NUP107: variants seen among roughly 807,000 people sequenced by gnomAD.
NUP107 encodes the protein nuclear pore complex protein Nup107.
In NUP107, 101 loss-of-function variants were observed where a neutral mutation model predicts 141.0. The ratio of observed to expected loss-of-function variants is 0.72; its 90% CI spans 0.61 to 0.84. The LOEUF (loss-of-function observed/expected upper bound fraction) is 0.84. Among genes scored for constraint, NUP107 ranks in the 40% least tolerant of loss-of-function variants. The pLI, the probability that NUP107 is intolerant of heterozygous loss-of-function variation, is 0.00. For synonymous variants in NUP107, 319 were observed against 363.9 expected, an observed-to-expected ratio of 0.88 and a Z score of 1.41; for missense variants, 941 against 1,102.7, an observed-to-expected ratio of 0.85 and a Z score of 2.08.
Position 68,705,382 on chromosome 12 carries a change from G to C in NUP107, c.729+2598G>C, listed in dbSNP as rs561882361. ...TATTATGTTAGTTAGACTTTTCAAA[G>C]TAAAGTTGAATAATAATGAACTCTT... On this transcript the variant is annotated intron_variant, in intron 8 of 27. Transcript: ENST00000229179. Among the ~76,000 whole-genome samples the C allele has an allele frequency of 3.3e-5, 5 of 152,100 alleles. No individual in the cohort carries two copies. The South Asian group carries it at 1.0e-3, about 32-fold the overall frequency.
chr12:68,695,610 TG>T (rs375927402), intron 5 of NUP107, among the ~76,000 whole-genome samples: 2 of 152,158 alleles, frequency 1.3e-5, no homozygotes, highest in African/African-American at 4.8e-5. Flanking sequence ...TGTCAGGGGC[TG>T]GGGTAAGTGG....
intron 5 of NUP107, 160 bp downstream of exon 5, chr12:68,692,272 T>TG (rs1875836023): frequency 4.1e-6 from 3 of 727,664 alleles, no homozygotes; most frequent in Non-Finnish European, 6.3e-6. Context: ...TGTGTGTGTG[T>TG]TTTTTGAGAC....
chr12:68,702,691 T>C lies in NUP107; in HGVS notation c.681-45T>C, dbSNP rs768295600. The C allele has an allele frequency of 8.1e-6, 11 of 1,357,232 alleles. No homozygotes were observed. In the African/African-American group the frequency reaches 1.1e-4, roughly 13 times the overall value. 84.1% of individuals were successfully genotyped at this position (1,357,232 alleles called of 1,614,324 possible). ...GATGCTCAGTGGCAAGTTCATTATATTCGTGTGAAATAAGGCTTTTTTATT... is the reference window on the plus strand; with the variant it reads ...GATGCTCAGTGGCAAGTTCATTATACTCGTGTGAAATAAGGCTTTTTTATT... On this transcript the variant is annotated intron_variant, in intron 7 of 27. Transcript: ENST00000229179.
Position 68,689,655 on chromosome 12 carries a change from C to T in NUP107, c.187+36C>T, listed in dbSNP as rs145755421. ...TTGCTTTTAAAGCATTTAATAATAA[C>T]GGTAATTATAATAGCAACTAACATT... On this transcript the variant is annotated intron_variant, in intron 3 of 27. Transcript: ENST00000229179. 7.0e-4 allele frequency: 898 copies of T among 1,287,990 alleles called. 1 individual carries two copies. Among genetic ancestry groups the T allele is most frequent in the Middle Eastern group, 3.5e-3 (19 of 5,416 alleles). The allele number at this position is 1,287,990 out of a possible 1,614,324, so 79.8% of individuals were successfully genotyped here.
intron 12 of NUP107, 31 bp from the exon 13 acceptor site, chr12:68,719,309 AT>A (rs749119746): frequency 6.5e-7 from 1 of 1,548,518 alleles, no homozygotes; most frequent in East Asian, 2.2e-5. Flanking sequence ...CACCCTGGTT[AT>A]TGGACTGACT....
At chr12:68,701,556 C>T (rs991998370) in intron 7 of NUP107, among the ~76,000 whole-genome samples, 1 of 151,878 alleles carries the variant, frequency 6.6e-6, no homozygotes, top group Non-Finnish European at 1.5e-5. Context: ...GTGGTGGGCA[C>T]CTATAATCCC....
At chr12:68,741,780 T>C in intron 26 of NUP107, 33 bp from the exon 27 acceptor site, 1 of 1,590,126 alleles carries the variant, frequency 6.3e-7, no homozygotes, top group Non-Finnish European at 8.6e-7. Context: ...TTAGCTTAAA[T>C]TGTTAAAATG....
At chr12:68,712,936 TA>T (rs1308251690) in intron 10 of NUP107, among the ~76,000 whole-genome samples, 1 of 152,128 alleles carries the variant, frequency 6.6e-6, no homozygotes, top group African/African-American at 2.4e-5. Context: ...ATGTAGAAGC[TA>T]AAAACCATAA....
chr12:68,728,287 A>C (rs1322312686), intron 20 of NUP107, among the ~76,000 whole-genome samples: 1 of 70,916 alleles, frequency 1.4e-5, no homozygotes, highest in African/African-American at 5.4e-5. Flanking sequence ...GACCATCTCA[A>C]AAAAAAAAAA....
Position 68,692,053 on chromosome 12 carries a change from T to A in NUP107, c.389T>A (p.Ile130Lys), listed in dbSNP as rs1279667268. The change falls in exon 5 of 28, where the codon ATA becomes AAA. Residue 130 changes from isoleucine to lysine, a missense_variant. By Grantham distance (102) the Ile-to-Lys change is moderately radical. Coordinates refer to ENST00000229179, the MANE Select transcript of NUP107 (RefSeq NM_020401.4). The stretch of plus-strand genomic sequence containing the variant: ...TTCACAAACACAGAGCCCCACAGTA[T>A]AACAGAAGATGTAACTATCAGTGCT... ...GLFTNTEPHS[I>K]TEDVTISAVM... 8.1e-6 allele frequency: 13 copies of A among 1,612,208 alleles called. No homozygotes were observed. Among genetic ancestry groups the A allele is most frequent in the Non-Finnish European group, 1.1e-5 (13 of 1,179,560 alleles).
chr12:68,734,199 C>T (rs1411367132), intron 24 of NUP107, among the ~76,000 whole-genome samples: 3 of 152,122 alleles, frequency 2.0e-5, no homozygotes, highest in African/African-American at 7.2e-5. Context: ...ATCGCATGAG[C>T]CCAGGGAGTT....
chr12:68,743,627 G>A lies in NUP107; in HGVS notation c.*1165G>A, dbSNP rs1297171002. ...ACCAACAAATACACCAAATAGGCTA[G>A]AGTGTAGGGCTTATAAACAGGAGAC... is the stretch of plus-strand genomic sequence containing the variant. On this transcript the variant is annotated 3_prime_UTR_variant, in exon 28 of 28. Coordinates refer to ENST00000229179, the MANE Select transcript of NUP107 (RefSeq NM_020401.4). The A allele has an allele frequency of 6.6e-6, 1 of 152,206 alleles. No individual in the cohort carries two copies. The highest frequency in any genetic ancestry group is 2.4e-5 in the African/African-American group (1 of 41,458). 9.4% of individuals were successfully genotyped at this position (152,206 alleles called of 1,614,324 possible). A position where few individuals can be genotyped will look rare whatever the true frequency, so the allele number is the denominator to read the frequency against.
At chr12:68,741,686 T>G (rs1565706893) in intron 26 of NUP107, 127 bp from the exon 27 acceptor site, 3 of 722,172 alleles carry the variant, frequency 4.2e-6, no homozygotes, top group African/African-American at 1.8e-5. Flanking sequence ...TTGTTCATCT[T>G]CATACTTTTT....
chr12:68,725,840 T>TG, intron 18 of NUP107, 44 bp downstream of exon 18: 1 of 1,007,674 alleles, frequency 9.9e-7, no homozygotes, highest in South Asian at 1.5e-5. Flanking sequence ...TGTGTGTGTT[T>TG]TTTTTTTTTT....
At chr12:68,715,553 C>T (rs550643505) in intron 11 of NUP107, 74 bp from the exon 12 acceptor site, 38 of 791,276 alleles carry the variant, frequency 4.8e-5, no homozygotes, top group South Asian at 4.1e-4. Context: ...GGTTTATCAT[C>T]TCTTGATGAT....
intron 5 of NUP107, among the ~76,000 whole-genome samples, chr12:68,692,658 C>A (rs1330993317): frequency 2.6e-5 from 4 of 152,034 alleles, no homozygotes; most frequent in Non-Finnish European, 2.9e-5. Context: ...TCATGGCTCA[C>A]TGCAGCCTTA....
Position 68,742,651 on chromosome 12 carries a change from A to G in NUP107, c.*189A>G. On this transcript the variant is annotated 3_prime_UTR_variant, in exon 28 of 28. Coordinates refer to ENST00000229179, the MANE Select transcript of NUP107 (RefSeq NM_020401.4). ...AGCGTTTCTCTGTGTGCTTGTTAAT[A>G]AAACTATATAAAAATTAAAATTTTC... The G allele has an allele frequency of 3.4e-6, 1 of 298,108 alleles. No homozygotes were observed. Among genetic ancestry groups the G allele is most frequent in the Non-Finnish European group, 6.1e-6 (1 of 163,286 alleles). The allele number at this position is 298,108 out of a possible 1,614,324, so 18.5% of individuals were successfully genotyped here.
chr12:68,737,985 T>C (rs1878148424), intron 26 of NUP107, among the ~76,000 whole-genome samples: 1 of 151,996 alleles, frequency 6.6e-6, no homozygotes, highest in Admixed American at 6.6e-5. Flanking sequence ...CTACTAAAAA[T>C]ACAAAAAATT....
At chr12:68,700,244 A>C (rs564614674) in intron 6 of NUP107, among the ~76,000 whole-genome samples, 5 of 152,236 alleles carry the variant, frequency 3.3e-5, no homozygotes, top group African/African-American at 1.2e-4. Flanking sequence ...ATGAGGAAGG[A>C]CTTTGGTGAT....
Sources: allele counts gnomAD v4.1 joint callset (sites outside exome capture counted in the v4.1 genomes callset), GRCh38; gene constraint gnomAD v4.1.1; transcripts MANE v1.5; gene names NCBI Gene and HGNC (gene_info 2026-07-23, HGNC 2026-07-21).